Variants in TTC39C observed in about 807,000 individuals in gnomAD.
The protein encoded by TTC39C is tetratricopeptide repeat protein 39C.
TTC39C carries 33 observed loss-of-function variants against 76.3 expected under a neutral mutation model. The observed-to-expected ratio is 0.43, with a 90% CI of 0.33 to 0.58. The LOEUF is 0.58. Among genes scored for constraint, TTC39C ranks in the 20% least tolerant of loss-of-function variants. TTC39C has a pLI of 0.04. For missense variants in TTC39C, 595 were observed against 701.4 expected, an observed-to-expected ratio of 0.85 and a Z score of 1.71; for synonymous variants, 254 against 260.6, an observed-to-expected ratio of 0.97 and a Z score of 0.24.
At chr18:24,032,665 G>C (rs925279971) in intron 1 of TTC39C, among the ~76,000 whole-genome samples, 2 of 152,222 alleles carry the variant, frequency 1.3e-5, no homozygotes, top group African/African-American at 4.8e-5. Flanking sequence ...ATGAGATCAG[G>C]TGTAGAATTT....
intron 1 of TTC39C, chr18:24,016,825 T>G (rs1429328352): frequency 7.5e-6 from 3 of 398,112 alleles, no homozygotes; most frequent in African/African-American, 6.2e-5. Flanking sequence ...GAACTGAAGA[T>G]AAGGCAGGGA....
upstream of TTC39C, among the ~76,000 whole-genome samples, chr18:24,014,128 C>T (rs980083300): frequency 6.6e-6 from 1 of 152,196 alleles, no homozygotes; most frequent in African/African-American, 2.4e-5. Flanking sequence ...AGAGACCCCG[C>T]CCCCGCCGCC....
chr18:24,114,147 G>A, intron 6 of TTC39C: 1 of 255,878 alleles, frequency 3.9e-6, no homozygotes, highest in Non-Finnish European at 7.6e-6. Flanking sequence ...TGGTAACAAG[G>A]GGCTAGATTA....
At chr18:24,106,687 G>GTTGTT (rs1180798258) in intron 6 of TTC39C, among the ~76,000 whole-genome samples, 1 of 152,076 alleles carries the variant, frequency 6.6e-6, no homozygotes, top group Non-Finnish European at 1.5e-5. Context: ...ACAGCCATGG[G>GTTGTT]TTGTTTTGTT....
At chr18:24,008,697 A>G (rs568245710) in intron 1 of TTC39C, among the ~76,000 whole-genome samples, 1 of 152,342 alleles carries the variant, frequency 6.6e-6, no homozygotes, top group African/African-American at 2.4e-5. Context: ...AACCAGGGAA[A>G]TACAAATCGT....
At position 24,132,482 on chromosome 18, in the gene TTC39C, C is replaced by T. The variant is rs1163733658; in HGVS notation, c.1663-3C>T. ...GCATAAATATCTTTCTTTGATCTTA[C>T]AGGAGGATTTCTCTGGCTACGACTT... On this transcript the variant is annotated splice_region_variant and splice_polypyrimidine_tract_variant and intron_variant, in intron 13 of 13. Transcript: ENST00000317571. The T allele has an allele frequency of 6.2e-7, 1 of 1,613,582 alleles. No homozygotes were observed. The highest frequency in any genetic ancestry group is 1.7e-5 in the Admixed American group (1 of 59,978).
chr18:24,094,608 T>G (rs1243285502), intron 6 of TTC39C, among the ~76,000 whole-genome samples: 2 of 152,260 alleles, frequency 1.3e-5, no homozygotes, highest in African/African-American at 4.8e-5. Context: ...TTAACAGACA[T>G]GAAAACAACA....
chr18:24,032,441 C>T (rs112831152), intron 1 of TTC39C, among the ~76,000 whole-genome samples: 48 of 152,066 alleles, frequency 3.2e-4, no homozygotes, highest in East Asian at 1.9e-4. Context: ...TGCTTGGGAC[C>T]GGAAATGTGT....
chr18:24,085,781 GT>G (rs2084431229), intron 6 of TTC39C, among the ~76,000 whole-genome samples: 2 of 152,192 alleles, frequency 1.3e-5, no homozygotes, highest in African/African-American at 2.4e-5. Flanking sequence ...TGTGACTACG[GT>G]TATTTAGTGA....
At position 24,097,522 on chromosome 18, in the gene TTC39C, T is replaced by C. The variant is rs147475590; in HGVS notation, c.984+14441T>C. On this transcript the variant is annotated intron_variant, in intron 6 of 13. Coordinates refer to ENST00000317571, the MANE Select transcript of TTC39C (RefSeq NM_001135993.2). ...CCATCAAGTGAAACTTTGCTCATCT[T>C]TTTTGGTCAGAATGGTGTAAGCTGA... Among the ~76,000 whole-genome samples, 476 of 152,350 alleles carry C rather than the reference T, an allele frequency of 3.1e-3. 2 individuals carry two copies. The highest frequency in any genetic ancestry group is 0.011 in the African/African-American group (450 of 41,590).
rs181834790 is a variant in TTC39C at position 24,124,439 on chromosome 18, G to A, written c.1296+496G>A. Among the ~76,000 whole-genome samples the A allele has an allele frequency of 2.6e-5, 4 of 152,264 alleles. No homozygotes were observed. In the East Asian group the frequency reaches 7.7e-4, roughly 29 times the overall value. Reference sequence around the variant, plus strand: ...TGAGAAATGCAGGCTGTCTGGGGTTGAGAATAGAGAACACATCACATTTTG... The same window carrying A: ...TGAGAAATGCAGGCTGTCTGGGGTTAAGAATAGAGAACACATCACATTTTG... On this transcript the variant is annotated intron_variant, in intron 9 of 13. Transcript: ENST00000317571.
intron 1 of TTC39C, chr18:24,019,801 A>G: frequency 7.5e-7 from 1 of 1,340,978 alleles, no homozygotes; most frequent in Admixed American, 2.4e-5. Context: ...AGAAATGAGT[A>G]GTGTCAGAGA....
At chr18:24,101,076 G>A (rs533925311) in intron 6 of TTC39C, among the ~76,000 whole-genome samples, 26 of 152,218 alleles carry the variant, frequency 1.7e-4, no homozygotes, top group Non-Finnish European at 3.1e-4. Context: ...GACTGGAAGC[G>A]TTCGGTAGAA....
intron 6 of TTC39C, among the ~76,000 whole-genome samples, chr18:24,108,999 A>G (rs1450011004): frequency 6.6e-6 from 1 of 152,042 alleles, no homozygotes; most frequent in Non-Finnish European, 1.5e-5. Flanking sequence ...CTTATTTTTA[A>G]AGACAAGGTA....
intron 1 of TTC39C, among the ~76,000 whole-genome samples, chr18:24,031,533 T>G (rs2145676652): frequency 6.6e-6 from 1 of 152,292 alleles, no homozygotes; most frequent in Non-Finnish European, 1.5e-5. Flanking sequence ...TTGGCACCTC[T>G]CTCACCTTTA....
chr18:23,994,426 G>A (rs2083243923), intron 1 of TTC39C: 1 of 152,068 alleles, frequency 6.6e-6, no homozygotes, highest in South Asian at 2.1e-4. Flanking sequence ...AACACTTAGG[G>A]AATCTGTCAT....
intron 1 of TTC39C, among the ~76,000 whole-genome samples, chr18:24,045,915 A>G (rs374120859): frequency 4.4e-3 from 89 of 20,188 alleles, no homozygotes; most frequent in Admixed American, 7.2e-3. Context: ...ATATATATAT[A>G]TATATATATA....
chr18:24,098,359 T>C (rs1043348572), intron 6 of TTC39C, among the ~76,000 whole-genome samples: 11 of 140,542 alleles, frequency 7.8e-5, no homozygotes, highest in African/African-American at 3.0e-4. Context: ...GAATTCAGGC[T>C]TTCTTTCTTT....
At chr18:24,047,812 C>T (rs1250308600) in intron 1 of TTC39C, among the ~76,000 whole-genome samples, 1 of 152,176 alleles carries the variant, frequency 6.6e-6, no homozygotes, top group Non-Finnish European at 1.5e-5. Flanking sequence ...AATATAACAG[C>T]TCTGTATTGA....
Sources: allele counts gnomAD v4.1 joint callset (sites outside exome capture counted in the v4.1 genomes callset), GRCh38; gene constraint gnomAD v4.1.1; transcripts MANE v1.5; gene names NCBI Gene and HGNC (gene_info 2026-07-23, HGNC 2026-07-21).